The following SDR42E2 variants were observed in gnomAD, a reference collection of about 807,000 sequenced individuals.
SDR42E2 encodes the protein putative short-chain dehydrogenase/reductase family 42E member 2.
In SDR42E2, 20 loss-of-function variants were observed where a neutral mutation model predicts 10.5. The observed-to-expected ratio is 1.90, with a 90% CI of 1.34 to 2.77. SDR42E2 has a LOEUF of 2.77. Among genes scored for constraint, SDR42E2 ranks in the 30% most tolerant of loss-of-function variants. The pLI, the probability that SDR42E2 is intolerant of heterozygous loss-of-function variation, is 0.00. For missense variants in SDR42E2, 162 were observed against 104.2 expected (o/e 1.55, Z -2.42); for synonymous variants, 72 against 39.2 (o/e 1.84, Z -3.12).
At position 22,191,263 on chromosome 16, in the gene SDR42E2, C is replaced by T. The variant is rs1158264491; in HGVS notation, c.*870C>T. The stretch of plus-strand genomic sequence containing the variant: ...CCGCGCGCTTGAGCCCACCCTTTGG[C>T]TTCTCCTTTTGGGTCTGTCCTTGCT... On this transcript the variant is annotated 3_prime_UTR_variant, in exon 13 of 13. Transcript: ENST00000602312. 6.6e-6 allele frequency: 1 copy of T among 152,484 alleles called. No individual in the cohort carries two copies. 9.4% of individuals were successfully genotyped at this position (152,484 alleles called of 1,614,324 possible). A position where few individuals can be genotyped will look rare whatever the true frequency, so the allele number is the denominator to read the frequency against.
chr16:22,178,867 T>C (rs550454626), intron 8 of SDR42E2, among the ~76,000 whole-genome samples: 2 of 152,288 alleles, frequency 1.3e-5, no homozygotes, highest in African/African-American at 4.8e-5. Flanking sequence ...AAGGTCATGA[T>C]TGTTTTAGGA....
chr16:22,165,769 C>T (rs1252325311), intron 2 of SDR42E2, 132 bp downstream of exon 2: 1 of 401,176 alleles, frequency 2.5e-6, no homozygotes, highest in African/African-American at 2.1e-5. Flanking sequence ...CAAAGCTATT[C>T]CAGGACCTCA....
At position 22,169,471 on chromosome 16, in the gene SDR42E2, A is replaced by C. The variant is rs748707669; in HGVS notation, c.363A>C (p.Ile121=). The change falls in exon 5 of 13, where the codon ATA becomes ATC. Residue 121 remains isoleucine, a synonymous_variant. Transcript: ENST00000602312. ...EKLQKEQIES[I]NVGGTKLVID... is the part of the protein sequence containing the mutation. The stretch of plus-strand genomic sequence containing the variant: ...TGCAGAAAGAGCAGATTGAGTCTAT[A>C]AATGTTGGAGGCACCAAACTAGTGA... The C allele has an allele frequency of 2.6e-5, 18 of 703,536 alleles. 1 individual carries two copies. The South Asian group carries it at 2.7e-4, about 10-fold the overall frequency. 43.6% of individuals were successfully genotyped at this position (703,536 alleles called of 1,614,324 possible).
intron 7 of SDR42E2, among the ~76,000 whole-genome samples, chr16:22,173,885 A>T: frequency 7.7e-6 from 1 of 129,996 alleles, no homozygotes; most frequent in African/African-American, 3.1e-5. Context: ...TATATGGGCT[A>T]CGTATATATA....
chr16:22,164,850 G>C lies in SDR42E2; in HGVS notation c.-36-697G>C, dbSNP rs866310460. On this transcript the variant is annotated intron_variant, in intron 1 of 12. Coordinates refer to ENST00000602312, the MANE Select transcript of SDR42E2 (RefSeq NM_001394319.2). ...TCCCAATCTCCCCAGTCAGAAAGCA[G>C]CCACCTCCCAGTCTGGTGAGGTTCC... Among the ~76,000 whole-genome samples the C allele has an allele frequency of 2.0e-5, 3 of 152,172 alleles. No individual in the cohort carries two copies. The South Asian group carries it at 6.2e-4, about 32-fold the overall frequency.
At chr16:22,169,376 C>T in intron 4 of SDR42E2, 69 bp from the exon 5 acceptor site, 1 of 702,206 alleles carries the variant, frequency 1.4e-6, no homozygotes, top group South Asian at 1.5e-5. Context: ...TGACCCCAAG[C>T]TCAGCCTTCC....
intron 7 of SDR42E2, 82 bp downstream of exon 7, chr16:22,172,413 A>G: frequency 1.4e-6 from 1 of 699,080 alleles, no homozygotes; most frequent in South Asian, 1.5e-5. Flanking sequence ...ATTCATGCTA[A>G]CATGTGTCTG....
intron 1 of SDR42E2, among the ~76,000 whole-genome samples, 181 bp from the exon 2 acceptor site, chr16:22,165,366 A>G (rs897949250): frequency 5.3e-5 from 8 of 152,054 alleles, no homozygotes; most frequent in Admixed American, 5.3e-4. Context: ...GGGATTACAG[A>G]CGTGAACCAC....
chr16:22,164,873 T>A (rs2046522325), intron 1 of SDR42E2, among the ~76,000 whole-genome samples: 1 of 152,174 alleles, frequency 6.6e-6, no homozygotes, highest in African/African-American at 2.4e-5. Flanking sequence ...CTGGTGAGGT[T>A]CCCGCTGGAT....
chr16:22,178,604 A>T (rs1349960502), intron 8 of SDR42E2, among the ~76,000 whole-genome samples: 1 of 152,178 alleles, frequency 6.6e-6, no homozygotes, highest in Non-Finnish European at 1.5e-5. Flanking sequence ...ATACAGCTAC[A>T]AGGGGCTATA....
At chr16:22,170,686 G>A in intron 5 of SDR42E2, 147 bp from the exon 6 acceptor site, 3 of 644,252 alleles carry the variant, frequency 4.7e-6, no homozygotes, top group Non-Finnish European at 8.5e-6. Flanking sequence ...GGAGGGTCCT[G>A]GGGGTCCAAG....
Position 22,183,934 on chromosome 16 carries a change from C to CA in SDR42E2, c.877-229dup, listed in dbSNP as rs60806108. Among the ~76,000 whole-genome samples, 576 of 129,520 alleles carry CA rather than the reference C, an allele frequency of 4.4e-3. 2 individuals carry two copies. The highest frequency in any genetic ancestry group is 0.021 in the South Asian group (90 of 4,338). 85.0% of individuals were successfully genotyped at this position (129,520 alleles called of 152,430 possible). A position where few individuals can be genotyped will look rare whatever the true frequency, so the allele number is the denominator to read the frequency against. On this transcript the variant is annotated intron_variant, in intron 10 of 12. Transcript: ENST00000602312. ...ACACATCAAGACCCCTGATTCTCTG[C>CA]AAAAAAAAAAAAAAAAAATTTTAAC...
At chr16:22,165,932 C>G (rs1190038587) in intron 2 of SDR42E2, among the ~76,000 whole-genome samples, 1 of 151,826 alleles carries the variant, frequency 6.6e-6, no homozygotes, top group South Asian at 2.1e-4. Flanking sequence ...GGAGCTGGGT[C>G]CGTACCTGGG....
intron 6 of SDR42E2, among the ~76,000 whole-genome samples, chr16:22,171,579 C>T (rs1408834412): frequency 6.6e-6 from 1 of 152,024 alleles, no homozygotes; most frequent in Non-Finnish European, 1.5e-5. Context: ...GTCACTCAGA[C>T]TGGAGTGCAG....
rs1441450271 is a variant in SDR42E2, at chr16:22,191,486, G to A, written c.*1093G>A. Reference sequence around the variant, plus strand: ...TGCGCCGTCGGCTGCTGCTCTGTCTGGTAACATTGCATTCGATCCACCCCG... The same window carrying A: ...TGCGCCGTCGGCTGCTGCTCTGTCTAGTAACATTGCATTCGATCCACCCCG... On this transcript the variant is annotated 3_prime_UTR_variant, in exon 13 of 13. Transcript: ENST00000602312. 6.6e-6 allele frequency: 1 copy of A among 152,172 alleles called. No homozygotes were observed. Among genetic ancestry groups the A allele is most frequent in the Admixed American group, 6.6e-5 (1 of 15,242 alleles). 9.4% of individuals were successfully genotyped at this position (152,172 alleles called of 1,614,324 possible). A position where few individuals can be genotyped will look rare whatever the true frequency, so the allele number is the denominator to read the frequency against.
rs868603155 is a variant in SDR42E2 at position 22,178,148 on chromosome 16, C to T, written c.608C>T (p.Thr203Met). ...GTGCTAGGAGGAGGCACTCTTCGGACGTGTGTGCTCCGGCCTCCAGGGATC... is the reference window on the plus strand; with the variant it reads ...GTGCTAGGAGGAGGCACTCTTCGGATGTGTGTGCTCCGGCCTCCAGGGATC... ...MPLPGGGTLR[T>M]CVLRPPGIYG... The change falls in exon 8 of 13, where the codon ACG becomes ATG. Residue 203 changes from threonine to methionine, a missense_variant. Physicochemically the swap from Thr to Met is moderately conservative, Grantham distance 81. Coordinates refer to ENST00000602312, the MANE Select transcript of SDR42E2 (RefSeq NM_001394319.2). 3.8e-5 allele frequency: 27 copies of T among 702,736 alleles called. No homozygotes were observed. The highest frequency in any genetic ancestry group is 2.6e-4 in the Admixed American group (13 of 49,972). The allele number at this position is 702,736 out of a possible 1,614,324, so 43.5% of individuals were successfully genotyped here. A position where few individuals can be genotyped will look rare whatever the true frequency, so the allele number is the denominator to read the frequency against.
intron 10 of SDR42E2, 52 bp from the exon 11 acceptor site, chr16:22,184,129 C>A: frequency 2.5e-6 from 1 of 400,374 alleles, no homozygotes; most frequent in Non-Finnish European, 4.4e-6. Flanking sequence ...GTGGTCTTTC[C>A]ACACCAGCCC....
intron 10 of SDR42E2, among the ~76,000 whole-genome samples, chr16:22,183,477 T>C (rs1211646262): frequency 6.6e-6 from 1 of 152,190 alleles, no homozygotes; most frequent in African/African-American, 2.4e-5. Context: ...AGGGAGGTGT[T>C]TGGCTTTGGG....
chr16:22,163,833 G>A (rs531448393), intron 1 of SDR42E2, among the ~76,000 whole-genome samples: 2 of 152,274 alleles, frequency 1.3e-5, no homozygotes, highest in African/African-American at 4.8e-5. Context: ...AGCTGCCAGA[G>A]TCCCTGCCCT....
Sources: allele counts gnomAD v4.1 joint callset (sites outside exome capture counted in the v4.1 genomes callset), GRCh38; gene constraint gnomAD v4.1.1; transcripts MANE v1.5; gene names NCBI Gene and HGNC (gene_info 2026-07-23, HGNC 2026-07-21).